PAPPA: variants seen among roughly 807,000 people sequenced by gnomAD.
The protein encoded by PAPPA is pappalysin-1.
A neutral mutation model predicts 164.0 loss-of-function variants in PAPPA; 60 were observed. The ratio of observed to expected loss-of-function variants is 0.37; its 90% CI spans 0.30 to 0.45. The LOEUF is 0.45. PAPPA is among the 20% of genes least tolerant of loss of function. The pLI, the probability that PAPPA is intolerant of heterozygous loss-of-function variation, is 1.00. For missense variants in PAPPA, 1,782 were observed against 2,087.3 expected, an observed-to-expected ratio of 0.85 and a Z score of 2.85; for synonymous variants, 875 against 814.1, an observed-to-expected ratio of 1.07 and a Z score of -1.27.
chr9:116,213,502 G>T (rs527792603), intron 4 of PAPPA, among the ~76,000 whole-genome samples: 2 of 152,032 alleles, frequency 1.3e-5, no homozygotes, highest in Non-Finnish European at 1.5e-5. Flanking sequence ...TCCCACATCC[G>T]GTGCCCCATC....
intron 10 of PAPPA, among the ~76,000 whole-genome samples, chr9:116,310,161 G>C (rs1018557339): frequency 2.0e-5 from 3 of 152,180 alleles, no homozygotes. Flanking sequence ...ACCCAATGCC[G>C]AAGTCACTTC....
At chr9:116,353,561 C>T in intron 16 of PAPPA, 61 bp from the exon 17 acceptor site, 1 of 1,456,452 alleles carries the variant, frequency 6.9e-7, no homozygotes, top group Non-Finnish European at 9.4e-7. Flanking sequence ...GGTGTTCATG[C>T]AGGGCATGGA....
chr9:116,190,220 C>T (rs1437679615), intron 2 of PAPPA, among the ~76,000 whole-genome samples: 5 of 152,174 alleles, frequency 3.3e-5, no homozygotes, highest in Admixed American at 6.5e-5. Flanking sequence ...GATCAGTGTG[C>T]TCCACCAAAC....
chr9:116,298,520 C>T (rs1269821907), intron 9 of PAPPA, among the ~76,000 whole-genome samples: 1 of 152,168 alleles, frequency 6.6e-6, no homozygotes, highest in Non-Finnish European at 1.5e-5. Flanking sequence ...AATCAGAATG[C>T]CCAGTGCAAT....
At chr9:116,165,723 T>C (rs1843712937) in intron 1 of PAPPA, among the ~76,000 whole-genome samples, 1 of 152,160 alleles carries the variant, frequency 6.6e-6, no homozygotes, top group African/African-American at 2.4e-5. Context: ...TAATTATCAC[T>C]TTTTTTACTT....
intron 10 of PAPPA, among the ~76,000 whole-genome samples, chr9:116,313,610 C>A (rs1366372579): frequency 6.6e-6 from 1 of 152,094 alleles, no homozygotes; most frequent in Admixed American, 6.5e-5. Context: ...TCAGAGAGAG[C>A]AAAATTGTAT....
At chr9:116,265,789 A>G (rs539973552) in intron 7 of PAPPA, 68 bp from the exon 8 acceptor site, 1 of 1,358,714 alleles carries the variant, frequency 7.4e-7, no homozygotes, top group African/African-American at 1.4e-5. Flanking sequence ...CAGGGGATCA[A>G]TTTTCCATTC....
intron 1 of PAPPA, among the ~76,000 whole-genome samples, chr9:116,166,195 AG>A (rs768855995): frequency 6.6e-6 from 1 of 152,318 alleles, no homozygotes; most frequent in South Asian, 2.1e-4. Flanking sequence ...AGAAGTCAGA[AG>A]GGAAAAGAAA....
intron 2 of PAPPA, among the ~76,000 whole-genome samples, chr9:116,207,124 A>G (rs1236864394): frequency 6.6e-6 from 1 of 152,002 alleles, no homozygotes; most frequent in African/African-American, 2.4e-5. Context: ...AGACAGCATT[A>G]AGAAAAAGGA....
chr9:116,386,817 T>G (rs904458379), intron 21 of PAPPA, among the ~76,000 whole-genome samples: 4 of 152,112 alleles, frequency 2.6e-5, no homozygotes, highest in African/African-American at 9.7e-5. Flanking sequence ...CGGGGGAAGA[T>G]AAGTCTCCCA....
intron 17 of PAPPA, among the ~76,000 whole-genome samples, chr9:116,355,666 G>A (rs368745519): frequency 2.6e-5 from 4 of 152,268 alleles, no homozygotes; most frequent in Admixed American, 1.3e-4. Context: ...TTCTGGCTGC[G>A]GTCATGTTAT....
chr9:116,231,194 C>T lies in PAPPA; in HGVS notation c.2233+3642C>T, dbSNP rs565311757. Among the ~76,000 whole-genome samples the T allele has an allele frequency of 4.1e-4, 62 of 152,142 alleles. 1 individual carries two copies. The highest frequency in any genetic ancestry group is 1.4e-3 in the African/African-American group (60 of 41,512). ...CATATATGACCTTATTTCTAGTGGA[C>T]AGTTTATATAAACATGTAATTTTTA... On this transcript the variant is annotated intron_variant, in intron 6 of 21. Transcript: ENST00000328252.
intron 1 of PAPPA, among the ~76,000 whole-genome samples, chr9:116,168,815 T>C (rs899866464): frequency 6.6e-6 from 1 of 152,172 alleles, no homozygotes; most frequent in African/African-American, 2.4e-5. Context: ...TTATCTTCCC[T>C]CCTCATAGCA....
At chr9:116,344,429 C>A in intron 13 of PAPPA, 114 bp from the exon 14 acceptor site, 1 of 1,043,190 alleles carries the variant, frequency 9.6e-7, no homozygotes, top group Non-Finnish European at 1.4e-6. Context: ...TTTCTGTCCT[C>A]AGTCTCAAGC....
intron 6 of PAPPA, among the ~76,000 whole-genome samples, chr9:116,232,320 A>G (rs918602704): frequency 2.0e-5 from 3 of 152,150 alleles, no homozygotes; most frequent in African/African-American, 7.2e-5. Flanking sequence ...TTCCTTGTTA[A>G]TACGTCCCTA....
intron 7 of PAPPA, among the ~76,000 whole-genome samples, chr9:116,260,367 G>T (rs1844987006): frequency 6.6e-6 from 1 of 152,184 alleles, no homozygotes; most frequent in African/African-American, 2.4e-5. Context: ...ATAATAGCAT[G>T]TATAGTCTTT....
Position 116,235,465 on chromosome 9 carries a change from C to T in PAPPA, c.2560C>T (p.Gln854Ter), listed in dbSNP as rs112566371. ...CGTGGGCGAGGAGGTGTATGGCATC[C>T]AAATCTACACGCTGGATGAGCACCT... ...WDVGEEVYGIQIYTLDEHLEI... is the reference protein window; with the variant it reads ...WDVGEEVYGI The change falls in exon 7 of 22, where the codon CAA becomes TAA. Residue 854 changes from glutamine (Q) to a stop codon, truncating the protein, a stop_gained. Transcript: ENST00000328252. LOFTEE classifies it high-confidence loss of function. 1 of 1,612,282 alleles carries T rather than the reference C, an allele frequency of 6.2e-7. No homozygotes were observed. Among genetic ancestry groups the T allele is most frequent in the South Asian group, 1.1e-5 (1 of 90,930 alleles).
intron 11 of PAPPA, among the ~76,000 whole-genome samples, chr9:116,331,748 G>C (rs1456912063): frequency 6.6e-6 from 1 of 152,170 alleles, no homozygotes; most frequent in Non-Finnish European, 1.5e-5. Flanking sequence ...TTACAGAACT[G>C]TCTATGGTCT....
intron 7 of PAPPA, among the ~76,000 whole-genome samples, chr9:116,242,343 G>A (rs1007104770): frequency 2.0e-5 from 3 of 152,084 alleles, no homozygotes; most frequent in African/African-American, 7.2e-5. Context: ...TGGATGTTCA[G>A]CCAAGATTGA....
Sources: allele counts gnomAD v4.1 joint callset (sites outside exome capture counted in the v4.1 genomes callset), GRCh38; gene constraint gnomAD v4.1.1; transcripts MANE v1.5; gene names NCBI Gene and HGNC (gene_info 2026-07-23, HGNC 2026-07-21).